KIF6: variants seen among roughly 807,000 people sequenced by gnomAD.
KIF6 encodes kinesin-like protein KIF6.
A neutral mutation model predicts 112.7 loss-of-function variants in KIF6; 106 were observed. The observed-to-expected ratio is 0.94, with a 90% CI of 0.80 to 1.11. The LOEUF is 1.11. Ranked by LOEUF, KIF6 falls within the 50% of genes least tolerant of loss-of-function variation. KIF6 has a pLI of 0.00. For synonymous variants in KIF6, 339 were observed against 339.9 expected (o/e 1.00, Z 0.03); for missense variants, 929 against 964.0 (o/e 0.96, Z 0.48).
At chr6:39,375,098 A>C (rs1321695870) in intron 16 of KIF6, among the ~76,000 whole-genome samples, 4 of 152,232 alleles carry the variant, frequency 2.6e-5, no homozygotes, top group Non-Finnish European at 5.9e-5. Context: ...ATGCTAAGTT[A>C]AATAAGCCAG....
rs1762798246 is a variant in KIF6, at chr6:39,333,053, G to T, written c.*3479C>A. On this transcript the variant is annotated 3_prime_UTR_variant, in exon 23 of 23. Coordinates refer to ENST00000287152, the MANE Select transcript of KIF6 (RefSeq NM_145027.6). ...CTATATTGCTTGTTATCCAATGGCTGAAAACCATTGGTTTGTATAGAGGAT... is the reference window on the plus strand; with the variant it reads ...CTATATTGCTTGTTATCCAATGGCTTAAAACCATTGGTTTGTATAGAGGAT... The T allele has an allele frequency of 6.6e-6, 1 of 152,228 alleles. No homozygotes were observed. Among genetic ancestry groups the T allele is most frequent in the African/African-American group, 2.4e-5 (1 of 41,456 alleles). The allele number at this position is 152,228 out of a possible 1,614,324, so 9.4% of individuals were successfully genotyped here.
At chr6:39,523,042 G>C (rs750981034) in intron 13 of KIF6, among the ~76,000 whole-genome samples, 1 of 152,060 alleles carries the variant, frequency 6.6e-6, no homozygotes, top group Non-Finnish European at 1.5e-5. Context: ...TTCCCATCTC[G>C]TGCTCATTCT....
intron 11 of KIF6, among the ~76,000 whole-genome samples, chr6:39,545,019 T>G (rs888591120): frequency 6.6e-6 from 1 of 152,226 alleles, no homozygotes; most frequent in Non-Finnish European, 1.5e-5. Flanking sequence ...TACACTTTTA[T>G]TCTAGTACTT....
At chr6:39,635,296 G>T (rs565664658) in intron 4 of KIF6, among the ~76,000 whole-genome samples, 2 of 151,854 alleles carry the variant, frequency 1.3e-5, no homozygotes, top group South Asian at 2.1e-4. Context: ...ACCAAAAAAG[G>T]TTACTAAAAA....
At chr6:39,437,653 A>C (rs1036397915) in intron 13 of KIF6, among the ~76,000 whole-genome samples, 5 of 152,220 alleles carry the variant, frequency 3.3e-5, no homozygotes, top group African/African-American at 9.7e-5. Flanking sequence ...ACATGTCACC[A>C]TGCTTACTGG....
rs533006228 is a variant in KIF6, at chr6:39,536,299, A to C, written c.1645+3704T>G. On this transcript the variant is annotated intron_variant, in intron 13 of 22. Coordinates refer to ENST00000287152, the MANE Select transcript of KIF6 (RefSeq NM_145027.6). ...GAGCTGGTTTTTTTAAAGGATCAAC[A>C]AAATTGATAGAACGCTAGCAAGACT... 9.2e-5 allele frequency among the ~76,000 whole-genome samples: 14 copies of C among 152,348 alleles called. No homozygotes were observed. The East Asian group carries it at 2.1e-3, about 23-fold the overall frequency.
intron 16 of KIF6, among the ~76,000 whole-genome samples, chr6:39,385,023 C>T (rs1375690711): frequency 1.3e-5 from 2 of 152,296 alleles, no homozygotes; most frequent in East Asian, 1.9e-4. Context: ...TGCGTTAAAG[C>T]GGGTTGATCA....
chr6:39,540,323 A>G, intron 12 of KIF6, 102 bp from the exon 13 acceptor site: 1 of 785,292 alleles, frequency 1.3e-6, no homozygotes, highest in South Asian at 1.8e-5. Flanking sequence ...GCTATTTATC[A>G]TGTGGTAAAG....
At chr6:39,446,469 C>A (rs183626738) in intron 13 of KIF6, among the ~76,000 whole-genome samples, 2 of 152,230 alleles carry the variant, frequency 1.3e-5, no homozygotes, top group Non-Finnish European at 2.9e-5. Context: ...AAGGAGAGAT[C>A]TCCAGTGAAA....
chr6:39,669,740 C>T (rs1234480996), intron 3 of KIF6, among the ~76,000 whole-genome samples: 5 of 152,176 alleles, frequency 3.3e-5, no homozygotes, highest in South Asian at 2.1e-4. Flanking sequence ...ACGAGGTGGG[C>T]GGCACCTTTG....
chr6:39,492,270 A>T (rs1775522266), intron 13 of KIF6, among the ~76,000 whole-genome samples: 1 of 152,222 alleles, frequency 6.6e-6, no homozygotes, highest in South Asian at 2.1e-4. Flanking sequence ...AGAAGGACTT[A>T]TCTTGAAGAG....
intron 13 of KIF6, among the ~76,000 whole-genome samples, chr6:39,531,405 T>C (rs1465604554): frequency 1.3e-5 from 2 of 151,894 alleles, no homozygotes; most frequent in African/African-American, 2.4e-5. Context: ...AGAAGGGAGA[T>C]GGTGTGGGCA....
chr6:39,369,917 C>A (rs1190691744), intron 16 of KIF6, among the ~76,000 whole-genome samples: 1 of 152,178 alleles, frequency 6.6e-6, no homozygotes, highest in African/African-American at 2.4e-5. Context: ...TTATCACCAC[C>A]ACTAAGAGCC....
chr6:39,337,155 TTTTCTTTCTTTCCTTCCTTC>T (rs1762996776), intron 22 of KIF6, among the ~76,000 whole-genome samples: 1 of 53,674 alleles, frequency 1.9e-5, no homozygotes, highest in South Asian at 4.7e-4. Flanking sequence ...TTTCTCTTTC[TTTTCTTTCTTTCCTTCCTTC>T]TTTCTTTCTT....
chr6:39,567,886 T>C (rs946305587), intron 10 of KIF6, among the ~76,000 whole-genome samples: 7 of 152,246 alleles, frequency 4.6e-5, no homozygotes, highest in Middle Eastern at 3.4e-3. Flanking sequence ...GGATTACAGG[T>C]GTGAGCCACT....
intron 10 of KIF6, among the ~76,000 whole-genome samples, chr6:39,556,135 G>T (rs759360440): frequency 2.0e-5 from 3 of 152,100 alleles, no homozygotes; most frequent in Non-Finnish European, 2.9e-5. Flanking sequence ...TCAATCCATA[G>T]ATACTAATAA....
chr6:39,340,946 C>T (rs1763294502), intron 22 of KIF6, among the ~76,000 whole-genome samples: 1 of 152,116 alleles, frequency 6.6e-6, no homozygotes, highest in African/African-American at 2.4e-5. Flanking sequence ...CGTATCCAAG[C>T]CTTCCTCCAC....
chr6:39,641,993 C>A (rs1024620747), intron 3 of KIF6, among the ~76,000 whole-genome samples: 1 of 152,062 alleles, frequency 6.6e-6, no homozygotes, highest in African/African-American at 2.4e-5. Context: ...TACAATTAAA[C>A]GTTAAATAAG....
At position 39,336,193 on chromosome 6, in the gene KIF6, A is replaced by C; in HGVS notation, c.*339T>G. On this transcript the variant is annotated 3_prime_UTR_variant, in exon 23 of 23. Coordinates refer to ENST00000287152, the MANE Select transcript of KIF6 (RefSeq NM_145027.6). ...TCTGACATTATATTTTGATGGTGCT[A>C]TTTCACATTCTCAAAAGCTTATAAA... 5.4e-4 allele frequency: 114 copies of C among 212,634 alleles called. No individual in the cohort carries two copies. The highest frequency in any genetic ancestry group is 1.6e-3 in the Middle Eastern group (1 of 630). The allele number at this position is 212,634 out of a possible 1,614,324, so 13.2% of individuals were successfully genotyped here. A position where few individuals can be genotyped will look rare whatever the true frequency, so the allele number is the denominator to read the frequency against.
Sources: allele counts gnomAD v4.1 joint callset (sites outside exome capture counted in the v4.1 genomes callset), GRCh38; gene constraint gnomAD v4.1.1; transcripts MANE v1.5; gene names NCBI Gene and HGNC (gene_info 2026-07-23, HGNC 2026-07-21).